The following ANKHD1 variants were observed in gnomAD, a reference collection of about 807,000 sequenced individuals.
The protein encoded by ANKHD1 is ankyrin repeat and KH domain containing 1.
Under a neutral mutation model 230.5 loss-of-function variants are expected in ANKHD1, and 31 were observed. That is an observed-to-expected ratio of 0.13 (90% CI 0.10 to 0.18). The LOEUF is 0.18. ANKHD1 is among the 10% of genes least tolerant of loss of function. The pLI, the probability that ANKHD1 is intolerant of heterozygous loss-of-function variation, is 1.00. For missense variants in ANKHD1, 2,256 were observed against 3,071.3 expected (o/e 0.73, Z 6.27); for synonymous variants, 1,074 against 1,117.6 (o/e 0.96, Z 0.78).
chr5:140,506,689 T>C lies in ANKHD1; in HGVS notation c.3409-146T>C, dbSNP rs1023433275. Reference sequence around the variant, plus strand: ...TGAATCCATTTCTCTAGTGTTGATATTTCAATATTTAGGGTCTAATGAAAT... The same window carrying C: ...TGAATCCATTTCTCTAGTGTTGATACTTCAATATTTAGGGTCTAATGAAAT... On this transcript the variant is annotated intron_variant, in intron 18 of 33. Coordinates refer to ENST00000360839, the MANE Select transcript of ANKHD1 (RefSeq NM_017747.3). The surrounding 1 kb of genome is among the most constrained non-coding windows in gnomAD (Gnocchi z 4.7). 1.6e-6 allele frequency: 2 copies of C among 1,265,060 alleles called. No homozygotes were observed. Among genetic ancestry groups the C allele is most frequent in the Non-Finnish European group, 2.1e-6 (2 of 930,622 alleles). 78.4% of individuals were successfully genotyped at this position (1,265,060 alleles called of 1,614,324 possible). A position where few individuals can be genotyped will look rare whatever the true frequency, so the allele number is the denominator to read the frequency against.
chr5:140,444,206 T>C lies in ANKHD1; in HGVS notation c.914-1536T>C, dbSNP rs1464858336. 7.9e-5 allele frequency among the ~76,000 whole-genome samples: 12 copies of C among 151,650 alleles called. No individual in the cohort carries two copies. In the East Asian group the frequency reaches 2.3e-3, roughly 29 times the overall value. The stretch of plus-strand genomic sequence containing the variant: ...CCTCCGTACACTCTCCATGTGGCCA[T>C]TTCAGACATTCTTCTCAAACCCCAC... On this transcript the variant is annotated intron_variant, in intron 5 of 33. Transcript: ENST00000360839.
At chr5:140,432,949 C>T (rs1773161652) in intron 1 of ANKHD1, among the ~76,000 whole-genome samples, 2 of 152,016 alleles carry the variant, frequency 1.3e-5, no homozygotes, top group South Asian at 2.1e-4. Context: ...ATGATCCCCC[C>T]CACCCTGGCT....
chr5:140,430,469 C>G (rs1772946613), intron 1 of ANKHD1, among the ~76,000 whole-genome samples: 1 of 151,980 alleles, frequency 6.6e-6, no homozygotes, highest in African/African-American at 2.4e-5. Context: ...AAGTATAAGG[C>G]TTTTATATTC....
At chr5:140,516,226 C>T (rs532057584) in intron 24 of ANKHD1, among the ~76,000 whole-genome samples, 2 of 151,992 alleles carry the variant, frequency 1.3e-5, no homozygotes, top group East Asian at 1.9e-4. Flanking sequence ...TAAAATGAAG[C>T]GAGAAGGGAA....
chr5:140,423,401 T>C (rs1772149445), intron 1 of ANKHD1, among the ~76,000 whole-genome samples: 1 of 152,150 alleles, frequency 6.6e-6, no homozygotes, highest in African/African-American at 2.4e-5. Flanking sequence ...GATATTTGAG[T>C]GTCTTGCTTC....
intron 9 of ANKHD1, among the ~76,000 whole-genome samples, chr5:140,461,620 T>G (rs1272946008): frequency 6.6e-6 from 1 of 152,210 alleles, no homozygotes; most frequent in Non-Finnish European, 1.5e-5. Context: ...TGGCCAATCT[T>G]ATTTCATCTG....
intron 15 of ANKHD1, among the ~76,000 whole-genome samples, chr5:140,504,144 G>T (rs138929402): frequency 4.6e-5 from 7 of 151,732 alleles, no homozygotes; most frequent in African/African-American, 1.7e-4. Context: ...CCTCCACCTG[G>T]GTTCAAGCAA....
rs553745407 is a variant in ANKHD1 at position 140,436,232 on chromosome 5, A to G, written c.435A>G (p.Arg145=). The G allele has an allele frequency of 1.6e-5, 25 of 1,582,588 alleles. No individual in the cohort carries two copies. The South Asian group carries it at 2.7e-4, about 17-fold the overall frequency. ...LRTVDPETQA[R]LEALLEAAGI... Reference sequence around the variant, plus strand: ...CTGTGGATCCAGAGACACAGGCACGACTAGAAGCATTGCTAGAAGCAGCAG... The same window carrying G: ...CTGTGGATCCAGAGACACAGGCACGGCTAGAAGCATTGCTAGAAGCAGCAG... The change falls in exon 2 of 34, where the codon CGA becomes CGG. Residue 145 remains arginine (R), a synonymous_variant. Coordinates refer to ENST00000360839, the MANE Select transcript of ANKHD1 (RefSeq NM_017747.3).
chr5:140,497,162 A>C lies in ANKHD1; in HGVS notation c.2888A>C (p.Gln963Pro). The C allele has an allele frequency of 6.2e-7, 1 of 1,614,090 alleles. No individual in the cohort carries two copies. The highest frequency in any genetic ancestry group is 8.5e-7 in the Non-Finnish European group (1 of 1,180,026). Residue 963 changes from glutamine to proline, a missense_variant, in exon 15 of 34, where the codon CAG becomes CCG. Coordinates refer to ENST00000360839, the MANE Select transcript of ANKHD1 (RefSeq NM_017747.3). ...KVSGNQQIVG[Q>P]PQIAITGHDQ... is the part of the protein sequence containing the mutation. ...TCAGGTAATCAGCAGATTGTAGGAC[A>C]GCCTCAGATTGCTATTACTGGACAT...
At chr5:140,418,144 C>CTTTTTTTT in intron 1 of ANKHD1, among the ~76,000 whole-genome samples, 1 of 126,442 alleles carries the variant, frequency 7.9e-6, no homozygotes, top group African/African-American at 3.0e-5. Context: ...GTCCAGCCTT[C>CTTTTTTTT]TTTTTTTTTT....
intron 10 of ANKHD1, among the ~76,000 whole-genome samples, chr5:140,477,608 A>G (rs970628110): frequency 3.9e-5 from 6 of 152,118 alleles, no homozygotes; most frequent in Non-Finnish European, 8.8e-5. Flanking sequence ...AAATTGAAGG[A>G]AAATACTTTT....
At chr5:140,539,300 T>A (rs2127105205) in intron 33 of ANKHD1, 59 bp from the exon 34 acceptor site, 1 of 1,609,170 alleles carries the variant, frequency 6.2e-7, no homozygotes, top group East Asian at 2.2e-5. Context: ...TATATATTCA[T>A]TTTGTAACTG....
chr5:140,511,507 C>T (rs1035291666), intron 22 of ANKHD1, among the ~76,000 whole-genome samples: 5 of 152,210 alleles, frequency 3.3e-5, no homozygotes, highest in African/African-American at 9.7e-5. Flanking sequence ...AAAGGTCCCT[C>T]TGTTTCTCTT....
rs1226668564 is a variant in ANKHD1 at position 140,520,853 on chromosome 5, C to T, written c.4318-3213C>T. Reference sequence around the variant, plus strand: ...CTAGATGACGAGTTAATGGGTGCAGCGCACCAGCATGGCACATGTATACAT... The same window carrying T: ...CTAGATGACGAGTTAATGGGTGCAGTGCACCAGCATGGCACATGTATACAT... On this transcript the variant is annotated intron_variant, in intron 24 of 33. Transcript: ENST00000360839. 1.0e-4 allele frequency among the ~76,000 whole-genome samples: 15 copies of T among 148,856 alleles called. No individual in the cohort carries two copies. In the South Asian group the frequency reaches 2.1e-3, roughly 21 times the overall value.
chr5:140,440,916 A>G (rs1052247322), intron 4 of ANKHD1, 79 bp from the exon 5 acceptor site: 1 of 1,365,900 alleles, frequency 7.3e-7, no homozygotes, highest in African/African-American at 1.5e-5. Context: ...GAATATCTTC[A>G]GAGATTCAGT....
chr5:140,442,033 CTTTTTTTTTTT>C lies in ANKHD1; in HGVS notation c.913+905_913+915del, dbSNP rs901282726. ...TGAATACATTTACTAATAAGATATTCTTTTTTTTTTTTTTTTTTTTTTTTGAGATGGAGTCT... is the reference window on the plus strand; with the variant it reads ...TGAATACATTTACTAATAAGATATTCTTTTTTTTTTTTTGAGATGGAGTCT... On this transcript the variant is annotated intron_variant, in intron 5 of 33. Transcript: ENST00000360839. Among the ~76,000 whole-genome samples, 6 of 86,910 alleles carry C rather than the reference CTTTTTTTTTTT, an allele frequency of 6.9e-5. No homozygotes were observed. In the South Asian group the frequency reaches 1.6e-3, roughly 22 times the overall value. 57.0% of individuals were successfully genotyped at this position (86,910 alleles called of 152,430 possible).
At chr5:140,466,400 A>C (rs367922271) in intron 10 of ANKHD1, among the ~76,000 whole-genome samples, 4,179 of 152,034 alleles carry the variant, frequency 0.027, 99 homozygotes, top group Non-Finnish European at 0.038. Context: ...CTCAAAAAAA[A>C]AAAAAAGAAA....
At position 140,507,878 on chromosome 5, in the gene ANKHD1, C is replaced by T; in HGVS notation, c.3645C>T (p.Asp1215=). 1 of 1,614,122 alleles carries T rather than the reference C, an allele frequency of 6.2e-7. No individual in the cohort carries two copies. Among genetic ancestry groups the T allele is most frequent in the East Asian group, 2.2e-5 (1 of 44,876 alleles). ...AATTGCTGCTCGATATGGGTTCAGA[C>T]ATTAATGCCCAAATAGAGACCAATC... is the stretch of plus-strand genomic sequence containing the variant. ...AVKLLLDMGS[D]INAQIETNRN... Residue 1215 remains aspartate, a synonymous_variant, in exon 20 of 34, where the codon GAC becomes GAT. Coordinates refer to ENST00000360839, the MANE Select transcript of ANKHD1 (RefSeq NM_017747.3). The surrounding 1 kb of genome is among the most constrained non-coding windows in gnomAD (Gnocchi z 4.1).
intron 1 of ANKHD1, among the ~76,000 whole-genome samples, chr5:140,407,861 TG>T (rs1255199131): frequency 6.6e-6 from 1 of 152,136 alleles, no homozygotes; most frequent in Non-Finnish European, 1.5e-5. Context: ...TATGTGTGTG[TG>T]TGACGGCCCT....
Sources: gnomAD v4.1 joint callset for allele counts (sites outside exome capture counted in the v4.1 genomes callset) on GRCh38, gnomAD v4.1.1 for gene constraint, Gnocchi (gnomAD v3.1) non-coding constraint, MANE v1.5 for transcripts, NCBI Gene and HGNC (gene_info 2026-07-23, HGNC 2026-07-21) for gene names.